MYO7B: variants seen among roughly 807,000 people sequenced by gnomAD.
The protein encoded by MYO7B is unconventional myosin-VIIb.
MYO7B carries 212 observed loss-of-function variants against 259.7 expected under a neutral mutation model. The ratio of observed to expected loss-of-function variants is 0.82; its 90% confidence interval spans 0.73 to 0.91. The LOEUF is 0.91. MYO7B is among the 40% of genes least tolerant of loss of function. MYO7B has a pLI of 0.00. For synonymous variants in MYO7B, 1,197 were observed against 1,166.4 expected (o/e 1.03, Z -0.54); for missense variants, 2,732 against 2,813.5 (o/e 0.97, Z 0.66).
chr2:127,565,178 G>T, intron 3 of MYO7B, 55 bp from the exon 4 acceptor site: 1 of 1,572,356 alleles, frequency 6.4e-7, no homozygotes, highest in Admixed American at 1.8e-5. Context: ...GGTGTGGCAG[G>T]CTGGCCATGG....
rs150412207 is a variant in MYO7B at position 127,593,852 on chromosome 2, G to A, written c.2244+208G>A. Reference sequence around the variant, plus strand: ...GAGGTGGTGGTGAGGGTACTGGGGAGGGCCAGCCCAGCCTGTGGAAGCCCA... The same window carrying A: ...GAGGTGGTGGTGAGGGTACTGGGGAAGGCCAGCCCAGCCTGTGGAAGCCCA... On this transcript the variant is annotated intron_variant, in intron 18 of 47. Transcript: ENST00000409816. 3.8e-3 allele frequency among the ~76,000 whole-genome samples: 575 copies of A among 152,356 alleles called. 4 individuals are homozygous for A. Among genetic ancestry groups the A allele is most frequent in the African/African-American group, 0.013 (537 of 41,596 alleles).
At chr2:127,633,043 C>T (rs915715541) in intron 39 of MYO7B, among the ~76,000 whole-genome samples, 2 of 152,226 alleles carry the variant, frequency 1.3e-5, no homozygotes, top group African/African-American at 4.8e-5. Flanking sequence ...CGTGTGTGCC[C>T]CAGGCTTTCA....
In MYO7B at chr2:127,632,288, G is replaced by C. The variant is rs201563237; in HGVS notation, c.5292G>C (p.Thr1764=). 7 of 1,611,696 alleles carry C rather than the reference G, an allele frequency of 4.3e-6. No individual in the cohort carries two copies. In the Admixed American group the frequency reaches 6.7e-5, roughly 15 times the overall value. Residue 1764 remains threonine (T), a synonymous_variant, in exon 39 of 48, where the codon ACG becomes ACC. Transcript: ENST00000409816. Reference sequence around the variant, plus strand: ...GCTGGCAGCTGCTGTGGCTGTGCACGGGCCTCTTCCCGCCCAGCAAGGGGC... The same window carrying C: ...GCTGGCAGCTGCTGTGGCTGTGCACCGGCCTCTTCCCGCCCAGCAAGGGGC... ...ERGWQLLWLC[T]GLFPPSKGLL... is the part of the protein sequence containing the mutation.
At chr2:127,616,723 C>A (rs546448514) in intron 26 of MYO7B, among the ~76,000 whole-genome samples, 1 of 152,338 alleles carries the variant, frequency 6.6e-6, no homozygotes, top group African/African-American at 2.4e-5. Context: ...AATTAATGTG[C>A]CTCCGGAGAC....
At chr2:127,549,893 C>T (rs1693382564) in intron 1 of MYO7B, among the ~76,000 whole-genome samples, 1 of 152,126 alleles carries the variant, frequency 6.6e-6, no homozygotes, top group Non-Finnish European at 1.5e-5. Flanking sequence ...ATGGCTTACC[C>T]CAAATAATCA....
In MYO7B at chr2:127,631,362, C is replaced by CGAT; in HGVS notation, c.5095_5095+2dup. On this transcript the variant is annotated inframe_insertion and splice_region_variant, in exon 37 of 48. Transcript: ENST00000409816. ...GGGACATCGCCTGCCAGATCTTTGT[C>CGAT]GATATCCTTCCCCACCAGCCTGCCT... is the stretch of plus-strand genomic sequence containing the variant. 2 of 1,603,660 alleles carry CGAT rather than the reference C, an allele frequency of 1.2e-6. No homozygotes were observed. Among genetic ancestry groups the CGAT allele is most frequent in the East Asian group, 4.5e-5 (2 of 44,590 alleles).
At chr2:127,592,552 T>C (rs1359071037) in intron 16 of MYO7B, among the ~76,000 whole-genome samples, 3 of 152,164 alleles carry the variant, frequency 2.0e-5, no homozygotes, top group Non-Finnish European at 4.4e-5. Context: ...CTATCGACTT[T>C]TATCTCCTTG....
intron 1 of MYO7B, among the ~76,000 whole-genome samples, chr2:127,558,756 T>C (rs1231069234): frequency 1.3e-4 from 20 of 152,130 alleles, no homozygotes; most frequent in Non-Finnish European, 2.6e-4. Flanking sequence ...CTGGATGGGA[T>C]TGTAGACTCT....
At position 127,636,990 on chromosome 2, in the gene MYO7B, T is replaced by C. The variant is rs778087426; in HGVS notation, c.6327+77T>C. 1 of 1,581,472 alleles carries C rather than the reference T, an allele frequency of 6.3e-7. No homozygotes were observed. The highest frequency in any genetic ancestry group is 8.5e-7 in the Non-Finnish European group (1 of 1,170,556). On this transcript the variant is annotated intron_variant, in intron 47 of 47. Transcript: ENST00000409816. The surrounding 1 kb of genome is among the most constrained non-coding windows in gnomAD (Gnocchi z 4.5). ...AGACTGGGTTCCCCACCCTCACCCCTTTCAAGTGGCTCACTAAGAGGGCTC... is the reference window on the plus strand; with the variant it reads ...AGACTGGGTTCCCCACCCTCACCCCCTTCAAGTGGCTCACTAAGAGGGCTC...
Position 127,613,026 on chromosome 2 carries a change from C to T in MYO7B, c.3398+423C>T, listed in dbSNP as rs1236331473. ...TCCGTGTTGGCTGAATGCGTAGAAG[C>T]AGAATCCGAACATGCAGAGACTGAT... On this transcript the variant is annotated intron_variant, in intron 26 of 47. Transcript: ENST00000409816. The surrounding 1 kb of genome is among the most constrained non-coding windows in gnomAD (Gnocchi z 4.3). Among the ~76,000 whole-genome samples, 1 of 152,238 alleles carries T rather than the reference C, an allele frequency of 6.6e-6. No homozygotes were observed. Among genetic ancestry groups the T allele is most frequent in the Non-Finnish European group, 1.5e-5 (1 of 68,046 alleles).
chr2:127,635,184 A>G lies in MYO7B; in HGVS notation c.5778A>G (p.Pro1926=), dbSNP rs763685062. ...FMRKLWLNIS[P]GKDVNADTIL... ...GGAAATTGTGGCTCAACATATCTCC[A>G]GGGAAGGATGTGAATGCAGACACCA... Residue 1926 remains proline, a synonymous_variant, in exon 43 of 48, where the codon CCA becomes CCG. Coordinates refer to ENST00000409816, the MANE Select transcript of MYO7B (RefSeq NM_001393586.1). 4 of 1,613,594 alleles carry G rather than the reference A, an allele frequency of 2.5e-6. No homozygotes were observed. The highest frequency in any genetic ancestry group is 3.4e-6 in the Non-Finnish European group (4 of 1,179,746).
At position 127,627,421 on chromosome 2, in the gene MYO7B, G is replaced by C; in HGVS notation, c.4460+111G>C. ...AGTGTGCCGTCCCGGGTAACAGGCCGGGGTGGAGGGACAAGAATCTACGTA... is the reference window on the plus strand; with the variant it reads ...AGTGTGCCGTCCCGGGTAACAGGCCCGGGTGGAGGGACAAGAATCTACGTA... On this transcript the variant is annotated intron_variant, in intron 33 of 47. Coordinates refer to ENST00000409816, the MANE Select transcript of MYO7B (RefSeq NM_001393586.1). This position sits in a 1 kb window ranked among gnomAD's most constrained non-coding sequence, Gnocchi z 5.6. 7.0e-7 allele frequency: 1 copy of C among 1,432,496 alleles called. No individual in the cohort carries two copies. The highest frequency in any genetic ancestry group is 9.5e-7 in the Non-Finnish European group (1 of 1,047,158). The allele number at this position is 1,432,496 out of a possible 1,614,324, so 88.7% of individuals were successfully genotyped here. A position where few individuals can be genotyped will look rare whatever the true frequency, so the allele number is the denominator to read the frequency against.
In MYO7B at chr2:127,620,475, G is replaced by A; in HGVS notation, c.3525+9G>A. On this transcript the variant is annotated intron_variant, in intron 27 of 47. Coordinates refer to ENST00000409816, the MANE Select transcript of MYO7B (RefSeq NM_001393586.1). ...CAGAGAGGTTCATGAAGGTGAGAGGGTTCATGAAGGGAGGGCGGGCAGGGG... is the reference window on the plus strand; with the variant it reads ...CAGAGAGGTTCATGAAGGTGAGAGGATTCATGAAGGGAGGGCGGGCAGGGG... 1.9e-6 allele frequency: 1 copy of A among 513,052 alleles called. No homozygotes were observed. The highest frequency in any genetic ancestry group is 1.6e-5 in the South Asian group (1 of 63,802). The allele number at this position is 513,052 out of a possible 1,614,324, so 31.8% of individuals were successfully genotyped here.
intron 5 of MYO7B, among the ~76,000 whole-genome samples, chr2:127,568,707 G>C (rs1052905639): frequency 8.5e-5 from 13 of 152,086 alleles, no homozygotes; most frequent in African/African-American, 3.1e-4. Flanking sequence ...GACCAGCCTG[G>C]CCAACATGGT....
At chr2:127,553,250 T>G (rs1693519646) in intron 1 of MYO7B, among the ~76,000 whole-genome samples, 1 of 152,234 alleles carries the variant, frequency 6.6e-6, no homozygotes. Context: ...GGGATCTTTT[T>G]TGGTTCCATA....
Position 127,617,973 on chromosome 2 carries a change from AGTCTTT to A in MYO7B, c.3399-2362_3399-2357del, listed in dbSNP as rs1680647431. On this transcript the variant is annotated intron_variant, in intron 26 of 47. Coordinates refer to ENST00000409816, the MANE Select transcript of MYO7B (RefSeq NM_001393586.1). The stretch of plus-strand genomic sequence containing the variant: ...CTCCTAGTCTTTGCTAGTCCTTGCT[AGTCTTT>A]GTCTATCCCTATCTGTCCCTATAGT... 2.0e-5 allele frequency among the ~76,000 whole-genome samples: 3 copies of A among 150,510 alleles called. No individual in the cohort carries two copies. In the South Asian group the frequency reaches 6.3e-4, roughly 31 times the overall value.
chr2:127,624,875 C>G (rs529078007), intron 30 of MYO7B, among the ~76,000 whole-genome samples: 1 of 152,188 alleles, frequency 6.6e-6, no homozygotes, highest in Admixed American at 6.5e-5. Flanking sequence ...GATGCTGTTC[C>G]GGGACCCATT....
rs758452983 is a variant in MYO7B at position 127,609,654 on chromosome 2, C to T, written c.2963C>T (p.Thr988Ile). 4 of 1,614,012 alleles carry T rather than the reference C, an allele frequency of 2.5e-6. No individual in the cohort carries two copies. The East Asian group carries it at 6.7e-5, about 27-fold the overall frequency. The change falls in exon 23 of 48, where the codon ACA becomes ATA. Residue 988 changes from threonine to isoleucine, a missense_variant. By Grantham distance (89) the Thr-to-Ile change is moderately conservative (BLOSUM62 -1). This residue lies in a region of MYO7B where 1,906 missense variants were observed against 2,026.4 expected (regional missense o/e 0.94). Transcript: ENST00000409816. This position sits in a 1 kb window ranked among gnomAD's most constrained non-coding sequence, Gnocchi z 6.9. ...VTYFQKSASH[T>I]HIRRPLRYPL... Reference sequence around the variant, plus strand: ...TACTTCCAGAAATCAGCCAGCCACACACACATCCGGCGGCCCCTCCGATAC... The same window carrying T: ...TACTTCCAGAAATCAGCCAGCCACATACACATCCGGCGGCCCCTCCGATAC...
chr2:127,536,490 G>A (rs1692785260), intron 1 of MYO7B, among the ~76,000 whole-genome samples: 1 of 151,692 alleles, frequency 6.6e-6, no homozygotes, highest in Non-Finnish European at 1.5e-5. Context: ...GGGGGAAGAG[G>A]TGGCTGAGGA....
Sources: allele counts gnomAD v4.1 joint callset (sites outside exome capture counted in the v4.1 genomes callset), GRCh38; gene constraint gnomAD v4.1.1; regional missense constraint gnomAD v4.1.1; non-coding constraint Gnocchi (gnomAD v3.1); transcripts MANE v1.5; gene names NCBI Gene and HGNC (gene_info 2026-07-23, HGNC 2026-07-21).